Variants in CNTNAP2 observed in about 807,000 individuals in gnomAD.
The protein encoded by CNTNAP2 is contactin associated protein 2, also known as contactin-associated protein-like 2.
CNTNAP2 carries 98 observed loss-of-function variants against 155.2 expected under a neutral mutation model. The ratio of observed to expected loss-of-function variants is 0.63; its 90% CI spans 0.54 to 0.75. CNTNAP2 has a LOEUF of 0.75. CNTNAP2 is among the 30% of genes least tolerant of loss of function. CNTNAP2 has a pLI of 0.00. For missense variants in CNTNAP2, 1,727 were observed against 1,688.1 expected (o/e 1.02, Z -0.40); for synonymous variants, 651 against 631.2 (o/e 1.03, Z -0.47).
At chr7:146,983,739 T>C (rs1394547009) in intron 3 of CNTNAP2, among the ~76,000 whole-genome samples, 2 of 152,214 alleles carry the variant, frequency 1.3e-5, no homozygotes, top group Non-Finnish European at 2.9e-5. Flanking sequence ...TGGAGCACTA[T>C]TTGTGAAGCA....
chr7:146,141,346 T>C (rs1170323124), intron 1 of CNTNAP2, among the ~76,000 whole-genome samples: 1 of 138,866 alleles, frequency 7.2e-6, no homozygotes, highest in Non-Finnish European at 1.6e-5. Flanking sequence ...TCACTATCCT[T>C]TTATTGCATT....
rs943679632 is a variant in CNTNAP2, at chr7:148,419,932, G to C, written c.*4316G>C. On this transcript the variant is annotated 3_prime_UTR_variant, in exon 24 of 24. Coordinates refer to ENST00000361727, the MANE Select transcript of CNTNAP2 (RefSeq NM_014141.6). Reference sequence around the variant, plus strand: ...CATAAGACAGTTGCGAGGTGCCATTGATTCTTGACTGCAAAATACCTTGAA... The same window carrying C: ...CATAAGACAGTTGCGAGGTGCCATTCATTCTTGACTGCAAAATACCTTGAA... 3.9e-5 allele frequency: 6 copies of C among 152,290 alleles called. No individual in the cohort carries two copies. The highest frequency in any genetic ancestry group is 6.5e-5 in the Admixed American group (1 of 15,292). The allele number at this position is 152,290 out of a possible 1,614,324, so 9.4% of individuals were successfully genotyped here. A position where few individuals can be genotyped will look rare whatever the true frequency, so the allele number is the denominator to read the frequency against.
intron 4 of CNTNAP2, among the ~76,000 whole-genome samples, chr7:147,083,574 A>G (rs13310773): frequency 2.1e-5 from 3 of 140,906 alleles, no homozygotes; most frequent in African/African-American, 8.3e-5. Flanking sequence ...ACACATATAT[A>G]TGTATATATA....
Position 147,289,018 on chromosome 7 carries a change from T to C in CNTNAP2, c.1349-11123T>C, listed in dbSNP as rs1419059585. On this transcript the variant is annotated intron_variant, in intron 8 of 23. Transcript: ENST00000361727. Reference sequence around the variant, plus strand: ...GGTACCTCATATACATTATGACTCATGAATCATGATTTCCTCTATAAGGAA... The same window carrying C: ...GGTACCTCATATACATTATGACTCACGAATCATGATTTCCTCTATAAGGAA... Among the ~76,000 whole-genome samples, 4 of 152,202 alleles carry C rather than the reference T, an allele frequency of 2.6e-5. No individual in the cohort carries two copies. In the East Asian group the frequency reaches 7.7e-4, roughly 29 times the overall value.
intron 13 of CNTNAP2, among the ~76,000 whole-genome samples, chr7:147,759,017 A>G (rs1284257026): frequency 6.6e-6 from 1 of 152,120 alleles, no homozygotes; most frequent in Non-Finnish European, 1.5e-5. Flanking sequence ...GGTATATTTT[A>G]TTACCTTATT....
chr7:147,197,598 C>T (rs561719088), intron 8 of CNTNAP2, among the ~76,000 whole-genome samples: 4 of 152,252 alleles, frequency 2.6e-5, no homozygotes, highest in South Asian at 2.1e-4. Context: ...CCCACATCTA[C>T]GCTGCTATTA....
intron 1 of CNTNAP2, among the ~76,000 whole-genome samples, chr7:146,365,416 G>T (rs1211354486): frequency 6.6e-6 from 1 of 152,042 alleles, no homozygotes; most frequent in Non-Finnish European, 1.5e-5. Flanking sequence ...TGCTCTCCAG[G>T]ATGGCAAACT....
At chr7:147,876,138 C>T (rs935148309) in intron 13 of CNTNAP2, among the ~76,000 whole-genome samples, 37 of 152,264 alleles carry the variant, frequency 2.4e-4, no homozygotes, top group Non-Finnish European at 5.9e-5. Context: ...CACTCTGCCC[C>T]GTGCTTTCCA....
At chr7:147,694,617 G>A (rs2116996398) in intron 13 of CNTNAP2, among the ~76,000 whole-genome samples, 1 of 152,170 alleles carries the variant, frequency 6.6e-6, no homozygotes, top group East Asian at 1.9e-4. Flanking sequence ...AGTGGATTTA[G>A]AATTTTTCAC....
At chr7:147,855,802 C>T (rs1258116355) in intron 13 of CNTNAP2, among the ~76,000 whole-genome samples, 1 of 152,114 alleles carries the variant, frequency 6.6e-6, no homozygotes, top group African/African-American at 2.4e-5. Context: ...ATGCCCAGCC[C>T]TGCAAAAAAC....
intron 3 of CNTNAP2, among the ~76,000 whole-genome samples, chr7:146,883,883 T>G (rs1248143918): frequency 6.6e-6 from 1 of 152,142 alleles, no homozygotes; most frequent in Non-Finnish European, 1.5e-5. Flanking sequence ...TTGTTCCACT[T>G]TCTGCTAATA....
intron 13 of CNTNAP2, among the ~76,000 whole-genome samples, chr7:147,733,704 G>T (rs1796786742): frequency 6.6e-6 from 1 of 152,124 alleles, no homozygotes; most frequent in South Asian, 2.1e-4. Context: ...TTGAACAATG[G>T]TTTGTAGTTC....
At chr7:146,267,910 C>A (rs1048125736) in intron 1 of CNTNAP2, among the ~76,000 whole-genome samples, 2 of 152,146 alleles carry the variant, frequency 1.3e-5, no homozygotes, top group African/African-American at 4.8e-5. Context: ...ATGATTTATT[C>A]ATTTGATCAA....
At chr7:146,465,526 G>C (rs1305736549) in intron 1 of CNTNAP2, among the ~76,000 whole-genome samples, 2 of 152,148 alleles carry the variant, frequency 1.3e-5, no homozygotes, top group African/African-American at 4.8e-5. Flanking sequence ...TTGTAGAAAA[G>C]TATTAGGTGG....
chr7:148,155,910 T>G (rs982210802), intron 17 of CNTNAP2, among the ~76,000 whole-genome samples: 1 of 152,094 alleles, frequency 6.6e-6, no homozygotes, highest in Admixed American at 6.5e-5. Flanking sequence ...CACTGGGTGC[T>G]CCCACAGCTT....
chr7:148,332,911 C>A (rs1222158037), intron 21 of CNTNAP2, among the ~76,000 whole-genome samples: 1 of 152,154 alleles, frequency 6.6e-6, no homozygotes, highest in Non-Finnish European at 1.5e-5. Context: ...AAAATAGGAT[C>A]ACAGAACCTC....
intron 1 of CNTNAP2, among the ~76,000 whole-genome samples, chr7:146,129,332 G>T (rs1797682068): frequency 6.6e-6 from 1 of 151,952 alleles, no homozygotes. Context: ...TTCAAAAAAA[G>T]CTTTTAGATC....
At chr7:148,374,785 C>G (rs1040594838) in intron 21 of CNTNAP2, among the ~76,000 whole-genome samples, 1 of 152,290 alleles carries the variant, frequency 6.6e-6, no homozygotes, top group East Asian at 1.9e-4. Flanking sequence ...AAACTCAGGA[C>G]GCACATTAGT....
chr7:146,721,791 CATATATAGACTATATATAGTCTAT>C lies in CNTNAP2; in HGVS notation c.98-52475_98-52452del, dbSNP rs1429087081. On this transcript the variant is annotated intron_variant, in intron 1 of 23. Transcript: ENST00000361727. ...ACATATATATTCTATATATAGTCTACATATATAGACTATATATAGTCTATATATGTAGACTATATATAGTCTATA... is the reference window on the plus strand; with the variant it reads ...ACATATATATTCTATATATAGTCTACATATGTAGACTATATATAGTCTATA... 6.9e-5 allele frequency among the ~76,000 whole-genome samples: 6 copies of C among 87,514 alleles called. No homozygotes were observed. The East Asian group carries it at 1.3e-3, about 20-fold the overall frequency. The allele number at this position is 87,514 out of a possible 152,430, so 57.4% of individuals were successfully genotyped here.
Sources: gnomAD v4.1 joint callset for allele counts (sites outside exome capture counted in the v4.1 genomes callset) on GRCh38, gnomAD v4.1.1 for gene constraint, MANE v1.5 for transcripts, NCBI Gene and HGNC (gene_info 2026-07-23, HGNC 2026-07-21) for gene names.